Variants in HDAC9 observed in about 807,000 individuals in gnomAD.
The protein encoded by HDAC9 is MEF-2 interacting transcription repressor (MITR) protein.
A neutral mutation model predicts 139.4 loss-of-function variants in HDAC9; 41 were observed. The ratio of observed to expected loss-of-function variants is 0.29; its 90% CI spans 0.23 to 0.38. The LOEUF is 0.38. HDAC9 is among the 10% of genes least tolerant of loss of function. The pLI is 1.00. For synonymous variants in HDAC9, 517 were observed against 476.2 expected (o/e 1.09, Z -1.12); for missense variants, 1,147 against 1,297.0 (o/e 0.88, Z 1.78).
intron 2 of HDAC9, among the ~76,000 whole-genome samples, chr7:18,279,612 C>T (rs1301441651): frequency 1.3e-5 from 2 of 151,770 alleles, no homozygotes; most frequent in Non-Finnish European, 2.9e-5. Context: ...ACTACAGGCG[C>T]CCGCCACCAC....
At chr7:18,107,529 C>T (rs1266514881) in intron 1 of HDAC9, among the ~76,000 whole-genome samples, 6 of 152,034 alleles carry the variant, frequency 3.9e-5, no homozygotes, top group African/African-American at 1.2e-4. Context: ...CTCTCTCACA[C>T]GCACACACAC....
At chr7:18,227,771 T>C (rs1457902779) in intron 2 of HDAC9, among the ~76,000 whole-genome samples, 1 of 152,214 alleles carries the variant, frequency 6.6e-6, no homozygotes, top group Non-Finnish European at 1.5e-5. Context: ...TTTTGTGTAA[T>C]GTTATAATAG....
intron 2 of HDAC9, among the ~76,000 whole-genome samples, chr7:18,168,467 A>G (rs983500514): frequency 4.6e-5 from 7 of 152,180 alleles, no homozygotes; most frequent in African/African-American, 1.7e-4. Flanking sequence ...ATACACATGT[A>G]CAGCCCTTTG....
chr7:18,116,465 T>C (rs1238700048), intron 1 of HDAC9, among the ~76,000 whole-genome samples: 4 of 152,156 alleles, frequency 2.6e-5, no homozygotes, highest in Non-Finnish European at 5.9e-5. Context: ...AAAAATGTGA[T>C]TGATATTCAG....
intron 12 of HDAC9, among the ~76,000 whole-genome samples, chr7:18,719,228 T>G (rs1784939233): frequency 6.6e-6 from 1 of 152,062 alleles, no homozygotes; most frequent in African/African-American, 2.4e-5. Context: ...TGCAGATATT[T>G]TCTCTAACTT....
chr7:18,664,602 A>G (rs1320129554), intron 11 of HDAC9, among the ~76,000 whole-genome samples: 2 of 152,028 alleles, frequency 1.3e-5, no homozygotes, highest in African/African-American at 4.8e-5. Flanking sequence ...GCCTTCTACC[A>G]GAAATGCTCC....
chr7:18,458,523 C>T (rs1793551131), intron 1 of HDAC9, among the ~76,000 whole-genome samples: 1 of 152,060 alleles, frequency 6.6e-6, no homozygotes, highest in Non-Finnish European at 1.5e-5. Context: ...ATTTATTGTC[C>T]TTTTAAGTAC....
intron 1 of HDAC9, among the ~76,000 whole-genome samples, chr7:18,344,263 G>C (rs1782234754): frequency 6.6e-6 from 1 of 151,724 alleles, no homozygotes; most frequent in Admixed American, 6.6e-5. Context: ...AGATATCAGA[G>C]GTATTATTTG....
At chr7:18,439,251 T>C (rs1422789050) in intron 1 of HDAC9, among the ~76,000 whole-genome samples, 1 of 152,220 alleles carries the variant, frequency 6.6e-6, no homozygotes, top group East Asian at 1.9e-4. Context: ...ACAAAGTGTT[T>C]CCCTATTCTG....
At chr7:18,822,065 C>T (rs887297720) in intron 17 of HDAC9, among the ~76,000 whole-genome samples, 1 of 152,148 alleles carries the variant, frequency 6.6e-6, no homozygotes, top group African/African-American at 2.4e-5. Flanking sequence ...CTCTCTGAAC[C>T]TTATCTTTTT....
chr7:18,862,460 A>G (rs1798183109), intron 21 of HDAC9, among the ~76,000 whole-genome samples: 1 of 152,228 alleles, frequency 6.6e-6, no homozygotes, highest in African/African-American at 2.4e-5. Context: ...ACAGAAATTG[A>G]ATATCTTGAG....
intron 17 of HDAC9, among the ~76,000 whole-genome samples, chr7:18,824,969 A>G (rs1795302941): frequency 6.6e-6 from 1 of 152,246 alleles, no homozygotes; most frequent in Non-Finnish European, 1.5e-5. Context: ...GAGAAAAGAT[A>G]GGGAGAAGGT....
chr7:18,659,663 A>G (rs978206938), intron 11 of HDAC9, among the ~76,000 whole-genome samples: 9 of 152,138 alleles, frequency 5.9e-5, no homozygotes, highest in Non-Finnish European at 1.2e-4. Context: ...ATGAGCACAC[A>G]CAAAAGGCAA....
intron 1 of HDAC9, among the ~76,000 whole-genome samples, chr7:18,160,763 C>A (rs1461708289): frequency 6.6e-6 from 1 of 151,878 alleles, no homozygotes; most frequent in Non-Finnish European, 1.5e-5. Context: ...ATTACAGGCG[C>A]CCACCACCAT....
chr7:18,949,108 T>C, intron 23 of HDAC9: 1 of 317,932 alleles, frequency 3.1e-6, no homozygotes, highest in Non-Finnish European at 6.0e-6. Context: ...TTTTGAAGGA[T>C]TCTTGACCTT....
At chr7:18,667,785 A>G (rs1047269829) in intron 12 of HDAC9, 39 of 984,812 alleles carry the variant, frequency 4.0e-5, no homozygotes, top group African/African-American at 3.5e-5. Context: ...AAATAACACC[A>G]CAAGTAGGGA....
At chr7:18,445,476 T>C (rs1792203953) in intron 1 of HDAC9, among the ~76,000 whole-genome samples, 1 of 152,226 alleles carries the variant, frequency 6.6e-6, no homozygotes, top group South Asian at 2.1e-4. Context: ...GTACTCAAAA[T>C]TTAATGCTGA....
chr7:18,727,488 C>A, intron 12 of HDAC9, 92 bp from the exon 13 acceptor site: 1 of 1,048,052 alleles, frequency 9.5e-7, no homozygotes, highest in South Asian at 1.6e-5. Flanking sequence ...ATGTCTCTGA[C>A]CTGATGAACT....
chr7:18,969,615 A>T (rs1179115565), intron 24 of HDAC9, among the ~76,000 whole-genome samples: 1 of 152,232 alleles, frequency 6.6e-6, no homozygotes. Context: ...ATGAAGAGGA[A>T]AGAGTAAACA....
Sources: gnomAD v4.1 joint callset for allele counts (sites outside exome capture counted in the v4.1 genomes callset) on GRCh38, gnomAD v4.1.1 for gene constraint, MANE v1.5 for transcripts, NCBI Gene and HGNC (gene_info 2026-07-23, HGNC 2026-07-21) for gene names.